Variants in NRXN1 observed in about 807,000 individuals in gnomAD.
The protein encoded by NRXN1 is neurexin 1.
A neutral mutation model predicts 150.9 loss-of-function variants in NRXN1; 39 were observed. The ratio of observed to expected loss-of-function variants is 0.26; its 90% CI spans 0.20 to 0.34. The LOEUF is 0.34. NRXN1 is among the 10% of genes least tolerant of loss of function. The probability of loss-of-function intolerance (pLI) is 1.00; values close to 1 mark genes in which losing one functional copy is unlikely to be tolerated. For synonymous variants in NRXN1, 924 were observed against 757.0 expected (o/e 1.22, Z -3.62); for missense variants, 1,815 against 1,949.9 (o/e 0.93, Z 1.30).
intron 5 of NRXN1, among the ~76,000 whole-genome samples, chr2:50,889,303 C>T (rs941437050): frequency 6.6e-6 from 1 of 151,650 alleles, no homozygotes; most frequent in African/African-American, 2.4e-5. Flanking sequence ...TACTTTGCTC[C>T]TGAGTTATTT....
intron 21 of NRXN1, chr2:49,969,970 C>A (rs537010767): frequency 6.6e-6 from 1 of 151,942 alleles, no homozygotes; most frequent in African/African-American, 2.4e-5. Context: ...AATAAAAAAG[C>A]AGGGGGAACA....
intron 13 of NRXN1, among the ~76,000 whole-genome samples, chr2:50,501,962 A>G (rs62135010): frequency 6.6e-6 from 1 of 152,220 alleles, no homozygotes; most frequent in Non-Finnish European, 1.5e-5. Context: ...TTCCTTGCAG[A>G]AATTCTTCTC....
intron 5 of NRXN1, among the ~76,000 whole-genome samples, chr2:50,667,252 G>C (rs561558228): frequency 6.6e-6 from 1 of 151,872 alleles, no homozygotes; most frequent in South Asian, 2.1e-4. Flanking sequence ...TATCAACATA[G>C]TTTGCTATTC....
At chr2:50,019,536 G>T (rs1347642389) in intron 21 of NRXN1, among the ~76,000 whole-genome samples, 4 of 143,308 alleles carry the variant, frequency 2.8e-5, no homozygotes, top group African/African-American at 1.0e-4. Context: ...CCAGCCACTC[G>T]GGAGGCTGAG....
At position 50,112,471 on chromosome 2, in the gene NRXN1, C is replaced by T. The variant is rs988320718; in HGVS notation, c.3547-20977G>A. On this transcript the variant is annotated intron_variant, in intron 18 of 22. Coordinates refer to ENST00000401669, the MANE Select transcript of NRXN1 (RefSeq NM_001330078.2). Reference sequence around the variant, plus strand: ...CCGTGTTACACAAGTCTGCTTATTCCGACTTTAGTCTTGATGAGTCCACAT... The same window carrying T: ...CCGTGTTACACAAGTCTGCTTATTCTGACTTTAGTCTTGATGAGTCCACAT... Among the ~76,000 whole-genome samples, 8 of 152,318 alleles carry T rather than the reference C, an allele frequency of 5.3e-5. No homozygotes were observed. In the South Asian group the frequency reaches 1.7e-3, roughly 32 times the overall value.
At chr2:50,519,948 A>G (rs2092739720) in intron 12 of NRXN1, among the ~76,000 whole-genome samples, 1 of 151,946 alleles carries the variant, frequency 6.6e-6, no homozygotes, top group African/African-American at 2.4e-5. Flanking sequence ...ATTTAAAAAT[A>G]TTGTATGTTT....
Position 49,918,740 on chromosome 2 carries a change from G to A in NRXN1, c.*3204C>T, listed in dbSNP as rs1667722342. ...AATGACTAGTTAAATCCAGAAAAAA[G>A]AGAGTCAACATTCTTCCTCTATAAT... On this transcript the variant is annotated 3_prime_UTR_variant, in exon 23 of 23. Transcript: ENST00000401669. 3.9e-5 allele frequency: 6 copies of A among 152,086 alleles called. No individual in the cohort carries two copies. In the South Asian group the frequency reaches 1.2e-3, roughly 32 times the overall value. The allele number at this position is 152,086 out of a possible 1,614,324, so 9.4% of individuals were successfully genotyped here. A position where few individuals can be genotyped will look rare whatever the true frequency, so the allele number is the denominator to read the frequency against.
rs117520039 is a variant in NRXN1, at chr2:50,445,796, G to A, written c.3364+19646C>T. Among the ~76,000 whole-genome samples the A allele has an allele frequency of 4.9e-4, 75 of 152,232 alleles. No individual in the cohort carries two copies. The East Asian group carries it at 0.014, about 28-fold the overall frequency. ...AGGGTATGTTAGGGCAAGGACACCTGTGGCAATATTTCTACCTAGGGATTG... is the reference window on the plus strand; with the variant it reads ...AGGGTATGTTAGGGCAAGGACACCTATGGCAATATTTCTACCTAGGGATTG... On this transcript the variant is annotated intron_variant, in intron 17 of 22. Transcript: ENST00000401669.
intron 18 of NRXN1, among the ~76,000 whole-genome samples, chr2:50,132,256 G>C (rs1169875337): frequency 1.3e-5 from 2 of 151,206 alleles, no homozygotes; most frequent in African/African-American, 2.4e-5. Flanking sequence ...GGTGTGTACA[G>C]ATATGCTGTG....
intron 2 of NRXN1, among the ~76,000 whole-genome samples, chr2:50,983,305 C>T (rs561833410): frequency 2.0e-5 from 3 of 152,186 alleles, no homozygotes; most frequent in African/African-American, 4.8e-5. Context: ...ACTTTCTCCT[C>T]GATAGAAAAA....
intron 17 of NRXN1, among the ~76,000 whole-genome samples, chr2:50,403,958 T>G (rs1285184431): frequency 6.6e-6 from 1 of 152,110 alleles, no homozygotes; most frequent in African/African-American, 2.4e-5. Flanking sequence ...GGAAGTGGAC[T>G]GCTATACTAG....
At chr2:50,884,486 T>C (rs1398073043) in intron 5 of NRXN1, among the ~76,000 whole-genome samples, 2 of 151,790 alleles carry the variant, frequency 1.3e-5, no homozygotes, top group African/African-American at 4.8e-5. Flanking sequence ...AAAAAATAAA[T>C]TATTTAGTTT....
intron 17 of NRXN1, among the ~76,000 whole-genome samples, chr2:50,285,801 C>T (rs11895152): frequency 0.29 from 44,391 of 151,402 alleles, 6,814 homozygotes; most frequent in East Asian, 0.37. Flanking sequence ...TTCAAAATAC[C>T]CATACAGCAC....
At chr2:50,075,674 T>C (rs1274181320) in intron 19 of NRXN1, among the ~76,000 whole-genome samples, 1 of 152,214 alleles carries the variant, frequency 6.6e-6, no homozygotes, top group Non-Finnish European at 1.5e-5. Flanking sequence ...TCTGTTTGAA[T>C]GATAATTTTT....
chr2:50,234,940 C>G (rs2065278937), intron 18 of NRXN1, among the ~76,000 whole-genome samples: 1 of 151,864 alleles, frequency 6.6e-6, no homozygotes, highest in African/African-American at 2.4e-5. Flanking sequence ...GACCCTAAGA[C>G]CACATTTGAC....
chr2:50,723,746 T>C (rs1049227048), intron 5 of NRXN1, among the ~76,000 whole-genome samples: 5 of 152,160 alleles, frequency 3.3e-5, no homozygotes, highest in Non-Finnish European at 5.9e-5. Flanking sequence ...AGACACAACG[T>C]GGTCAGGGTA....
chr2:50,918,794 G>C, intron 5 of NRXN1: 1 of 276,896 alleles, frequency 3.6e-6, no homozygotes, highest in East Asian at 5.3e-5. Context: ...AATAAAATTA[G>C]CATTATCAAT....
chr2:50,049,493 A>G (rs554662737), intron 21 of NRXN1, among the ~76,000 whole-genome samples: 1 of 152,312 alleles, frequency 6.6e-6, no homozygotes, highest in East Asian at 1.9e-4. Flanking sequence ...AGGTCTCCTC[A>G]TTCATCATGC....
At chr2:50,739,272 T>C (rs1449230444) in intron 5 of NRXN1, 2 of 503,586 alleles carry the variant, frequency 4.0e-6, no homozygotes, top group South Asian at 1.5e-5. Context: ...ACTTTTTGAT[T>C]AAAAAGTATG....
Sources: allele counts gnomAD v4.1 joint callset (sites outside exome capture counted in the v4.1 genomes callset), GRCh38; gene constraint gnomAD v4.1.1; transcripts MANE v1.5; gene names NCBI Gene and HGNC (gene_info 2026-07-23, HGNC 2026-07-21).